UPF2: variants seen among roughly 807,000 people sequenced by gnomAD.
UPF2 encodes regulator of nonsense transcripts 2.
In UPF2, 17 loss-of-function variants were observed where a neutral mutation model predicts 141.4. That is an observed-to-expected ratio of 0.12 (90% CI 0.08 to 0.18). The LOEUF (loss-of-function observed/expected upper bound fraction) is 0.18, where lower values mean the gene tolerates loss of function less well. Ranked by LOEUF, UPF2 falls within the 10% of genes least tolerant of loss-of-function variation. The pLI, the probability that UPF2 is intolerant of heterozygous loss-of-function variation, is 1.00. For synonymous variants in UPF2, 540 were observed against 498.0 expected (o/e 1.08, Z -1.12); for missense variants, 1,152 against 1,515.9 (o/e 0.76, Z 3.99).
intron 2 of UPF2, among the ~76,000 whole-genome samples, chr10:12,031,683 G>T (rs1834526642): frequency 6.6e-6 from 1 of 152,080 alleles, no homozygotes; most frequent in African/African-American, 2.4e-5. Flanking sequence ...GGCTGAGACG[G>T]GGGGATCGCT....
intron 1 of UPF2, among the ~76,000 whole-genome samples, chr10:12,038,110 C>T (rs1198386588): frequency 6.6e-6 from 1 of 152,114 alleles, no homozygotes; most frequent in Non-Finnish European, 1.5e-5. Flanking sequence ...GGGCTGGGTG[C>T]GGTGGCTCAT....
In UPF2 at chr10:11,936,396, A is replaced by G; in HGVS notation, c.3546+149T>C. The stretch of plus-strand genomic sequence containing the variant: ...AACAAAAACAAAAACAAAAACAAAA[A>G]CAAAAAAAACTATATAAGGGAAGAA... On this transcript the variant is annotated intron_variant, in intron 19 of 21. Transcript: ENST00000357604. This position sits in a 1 kb window ranked among gnomAD's most constrained non-coding sequence, Gnocchi z 6.6. 1.2e-6 allele frequency: 1 copy of G among 856,294 alleles called. No homozygotes were observed. Among genetic ancestry groups the G allele is most frequent in the Non-Finnish European group, 1.6e-6 (1 of 626,744 alleles). 53.0% of individuals were successfully genotyped at this position (856,294 alleles called of 1,614,324 possible).
chr10:11,967,599 G>C (rs931772532), intron 9 of UPF2, 145 bp from the exon 10 acceptor site: 4 of 515,356 alleles, frequency 7.8e-6, no homozygotes, highest in Non-Finnish European at 1.3e-5. Context: ...ACCCAGGCTG[G>C]AGTGCAACGG....
In UPF2 at chr10:11,998,420, T is replaced by C. The variant is rs1833898464; in HGVS notation, c.1759-663A>G. Among the ~76,000 whole-genome samples the C allele has an allele frequency of 6.6e-6, 1 of 152,138 alleles. No homozygotes were observed. Among genetic ancestry groups the C allele is most frequent in the African/African-American group, 2.4e-5 (1 of 41,444 alleles). ...TTTTCTGAGACAAGGTCTCACTCTGTCACCCAGGCTGGGGTGCAGTGGCAC... is the reference window on the plus strand; with the variant it reads ...TTTTCTGAGACAAGGTCTCACTCTGCCACCCAGGCTGGGGTGCAGTGGCAC... On this transcript the variant is annotated intron_variant, in intron 7 of 21. Transcript: ENST00000357604. The surrounding 1 kb of genome is among the most constrained non-coding windows in gnomAD (Gnocchi z 4.5).
intron 1 of UPF2, among the ~76,000 whole-genome samples, chr10:12,041,416 C>T (rs1834731741): frequency 6.6e-6 from 1 of 151,566 alleles, no homozygotes; most frequent in Admixed American, 6.6e-5. Flanking sequence ...TGTCCTGTCA[C>T]TTGAACTGTA....
chr10:12,026,801 T>C, intron 3 of UPF2: 2 of 380,716 alleles, frequency 5.3e-6, no homozygotes, highest in Admixed American at 7.2e-5. Flanking sequence ...TACCGGGGCC[T>C]GCCACCATGC....
chr10:11,995,150 G>T, intron 8 of UPF2, among the ~76,000 whole-genome samples: 1 of 152,122 alleles, frequency 6.6e-6, no homozygotes, highest in East Asian at 1.9e-4. Flanking sequence ...GTTCATAGAG[G>T]ATAGCTCTTG....
chr10:12,011,210 C>T (rs1274369408), intron 4 of UPF2, among the ~76,000 whole-genome samples: 1 of 152,190 alleles, frequency 6.6e-6, no homozygotes, highest in Non-Finnish European at 1.5e-5. Flanking sequence ...CCAGGCTAGT[C>T]TCAAACTCGC....
At position 11,929,955 on chromosome 10, in the gene UPF2, G is replaced by T; in HGVS notation, c.3719C>A (p.Ala1240Asp). 1 of 1,614,248 alleles carries T rather than the reference G, an allele frequency of 6.2e-7. No homozygotes were observed. The highest frequency in any genetic ancestry group is 8.5e-7 in the Non-Finnish European group (1 of 1,180,044). The change falls in exon 21 of 22, where the codon GCT becomes GAT. Residue 1240 changes from alanine to aspartate, a missense_variant. Ala to Asp is a moderately radical substitution (Grantham distance 126, BLOSUM62 -2). Transcript: ENST00000357604. ...EMLQSLAQRP[A>D]PANTNRERRP... is the part of the protein sequence containing the mutation. ...CCTCTCACGATTGGTGTTTGCTGGAGCTGGGCGCTGTGCAAGAGACTGCAA... is the reference window on the plus strand; with the variant it reads ...CCTCTCACGATTGGTGTTTGCTGGATCTGGGCGCTGTGCAAGAGACTGCAA...
intron 4 of UPF2, among the ~76,000 whole-genome samples, chr10:12,006,183 A>C (rs576271768): frequency 2.6e-5 from 4 of 152,292 alleles, no homozygotes; most frequent in African/African-American, 9.6e-5. Flanking sequence ...CTCAGCCTTT[A>C]TTTTCTTTTA....
At chr10:11,957,698 G>T (rs932517798) in intron 12 of UPF2, among the ~76,000 whole-genome samples, 6 of 151,922 alleles carry the variant, frequency 3.9e-5, no homozygotes, top group Non-Finnish European at 8.8e-5. Context: ...TGTATTTTTG[G>T]TAGAAATGAG....
chr10:11,968,319 C>G lies in UPF2; in HGVS notation c.1954-865G>C, dbSNP rs186890701. 4.0e-3 allele frequency among the ~76,000 whole-genome samples: 605 copies of G among 152,256 alleles called. 4 individuals are homozygous for G. The highest frequency in any genetic ancestry group is 7.0e-3 in the South Asian group (34 of 4,826). On this transcript the variant is annotated intron_variant, in intron 9 of 21. Transcript: ENST00000357604. ...TTTGGAGAATAAAATGAATTTTACC[C>G]GGCCTAAGGAGGTTCTTAAATAAGG... is the stretch of plus-strand genomic sequence containing the variant.
At position 11,938,816 on chromosome 10, in the gene UPF2, C is replaced by T. The variant is rs1480628592; in HGVS notation, c.3379-2104G>A. On this transcript the variant is annotated intron_variant, in intron 18 of 21. Transcript: ENST00000357604. ...AAACAGTTGAGAACAAACTCCACCA[C>T]GTCCTAGCCATGTGGTCTTAAGCAA... 7.5e-5 allele frequency among the ~76,000 whole-genome samples: 11 copies of T among 145,858 alleles called. 1 individual carries two copies. Among genetic ancestry groups the T allele is most frequent in the African/African-American group, 1.0e-4 (4 of 39,030 alleles).
intron 9 of UPF2, among the ~76,000 whole-genome samples, chr10:11,975,683 G>GTTT: frequency 7.3e-6 from 1 of 137,680 alleles, no homozygotes; most frequent in Non-Finnish European, 1.6e-5. Flanking sequence ...TAATTTTGTT[G>GTTT]TTTTTTTTTT....
chr10:12,013,987 A>C, intron 4 of UPF2, 37 bp downstream of exon 4: 1 of 1,453,120 alleles, frequency 6.9e-7, no homozygotes, highest in Non-Finnish European at 9.2e-7. Flanking sequence ...CAGTGCTTAC[A>C]GAAAACACAA....
chr10:11,969,940 C>T (rs1833387873), intron 9 of UPF2, among the ~76,000 whole-genome samples: 1 of 152,182 alleles, frequency 6.6e-6, no homozygotes, highest in South Asian at 2.1e-4. Context: ...TAATTTTATC[C>T]TTCCTTGTAT....
At position 12,029,022 on chromosome 10, in the gene UPF2, G is replaced by A. The variant is rs1263933853; in HGVS notation, c.868C>T (p.Gln290Ter). 1 of 1,614,166 alleles carries A rather than the reference G, an allele frequency of 6.2e-7. No homozygotes were observed. Among genetic ancestry groups the A allele is most frequent in the Admixed American group, 1.7e-5 (1 of 60,018 alleles). ...TCAGCATTAATAATATTTTTTAGCT[G>A]TTCATAGATTAAGGAAAGACCTTCC... Reference protein sequence around the residue: ...DKEGLSLIYEQLKNIINADRE... With the variant: ...DKEGLSLIYE The change falls in exon 3 of 22, where the codon CAG becomes TAG. Residue 290 changes from glutamine (Q) to a stop codon, truncating the protein, a stop_gained. Coordinates refer to ENST00000357604, the MANE Select transcript of UPF2 (RefSeq NM_015542.4). LOFTEE classifies it high-confidence loss of function.
intron 1 of UPF2, among the ~76,000 whole-genome samples, chr10:12,039,597 C>T: frequency 6.6e-6 from 1 of 151,232 alleles, no homozygotes; most frequent in East Asian, 1.9e-4. Context: ...GGCATCAGAA[C>T]TTACAATTAT....
chr10:12,012,025 A>G (rs1834136445), intron 4 of UPF2, among the ~76,000 whole-genome samples: 1 of 152,110 alleles, frequency 6.6e-6, no homozygotes, highest in African/African-American at 2.4e-5. Flanking sequence ...TATGACAATT[A>G]GAGAAAAGGG....
Sources: gnomAD v4.1 joint callset for allele counts (sites outside exome capture counted in the v4.1 genomes callset) on GRCh38, gnomAD v4.1.1 for gene constraint, Gnocchi (gnomAD v3.1) non-coding constraint, MANE v1.5 for transcripts, NCBI Gene and HGNC (gene_info 2026-07-23, HGNC 2026-07-21) for gene names.